Variants in TENM2 observed in about 807,000 individuals in gnomAD.
TENM2 encodes the protein teneurin-2.
In TENM2, 52 loss-of-function variants were observed where a neutral mutation model predicts 245.2. That is an observed-to-expected ratio of 0.21 (90% CI 0.17 to 0.27). The LOEUF (loss-of-function observed/expected upper bound fraction) is 0.27. TENM2 is among the 10% of genes least tolerant of loss of function. The probability of loss-of-function intolerance (pLI) is 1.00; values close to 1 mark genes in which losing one functional copy is unlikely to be tolerated. For synonymous variants in TENM2, 1,363 were observed against 1,438.9 expected, an observed-to-expected ratio of 0.95 and a Z score of 1.19; for missense variants, 3,046 against 3,666.8, an observed-to-expected ratio of 0.83 and a Z score of 4.37.
At chr5:167,780,188 A>G (rs1350025135) in intron 2 of TENM2, among the ~76,000 whole-genome samples, 1 of 152,210 alleles carries the variant, frequency 6.6e-6, no homozygotes, top group East Asian at 1.9e-4. Context: ...GAAAGCCTCT[A>G]TTTGATCCTA....
rs527593825 is a variant in TENM2, at chr5:167,305,719, C to G, written c.226+20656C>G. On this transcript the variant is annotated intron_variant, in intron 1 of 28. Transcript: ENST00000518659. ...GGATTCGGCACATTTTATTCATGGACTATGTCAGGGATGAAATGAACAGAA... is the reference window on the plus strand; with the variant it reads ...GGATTCGGCACATTTTATTCATGGAGTATGTCAGGGATGAAATGAACAGAA... Among the ~76,000 whole-genome samples the G allele has an allele frequency of 3.3e-3, 503 of 152,238 alleles. 1 individual carries two copies. The highest frequency in any genetic ancestry group is 0.012 in the African/African-American group (479 of 41,544).
intron 2 of TENM2, among the ~76,000 whole-genome samples, chr5:167,520,374 G>A (rs1031509985): frequency 6.6e-6 from 1 of 152,128 alleles, no homozygotes; most frequent in Non-Finnish European, 1.5e-5. Context: ...GACAAATGGT[G>A]TAACATCTTC....
At chr5:167,412,268 G>T (rs992372586) in intron 2 of TENM2, among the ~76,000 whole-genome samples, 3 of 151,798 alleles carry the variant, frequency 2.0e-5, no homozygotes, top group Non-Finnish European at 2.9e-5. Flanking sequence ...CAGAAAGTGG[G>T]GTCCCAGGAG....
intron 2 of TENM2, among the ~76,000 whole-genome samples, chr5:167,871,227 A>G (rs1298770012): frequency 6.6e-6 from 1 of 152,160 alleles, no homozygotes; most frequent in Non-Finnish European, 1.5e-5. Context: ...GACCTGGAGC[A>G]TGGCTGTCAA....
At chr5:167,736,687 A>G (rs988418888) in intron 2 of TENM2, among the ~76,000 whole-genome samples, 2 of 56,456 alleles carry the variant, frequency 3.5e-5, no homozygotes, top group Non-Finnish European at 5.8e-5. Flanking sequence ...CTGGCTCAGG[A>G]AAAAAAAAAA....
chr5:167,818,174 ATCC>A (rs1767217724), intron 2 of TENM2, among the ~76,000 whole-genome samples: 1 of 152,172 alleles, frequency 6.6e-6, no homozygotes, highest in South Asian at 2.1e-4. Flanking sequence ...AACTTTCATG[ATCC>A]TCCTCTTAAT....
the TENM2 span, among the ~76,000 whole-genome samples, chr5:167,106,306 C>T: frequency 6.6e-6 from 1 of 152,142 alleles, no homozygotes; most frequent in African/African-American, 2.4e-5. Context: ...CCAAAGGAGG[C>T]AGCAATCTCT....
chr5:168,214,929 A>G, intron 20 of TENM2, 111 bp from the exon 23 acceptor site: 3 of 835,232 alleles, frequency 3.6e-6, no homozygotes, highest in South Asian at 1.4e-5. Flanking sequence ...ACTAAAGTGG[A>G]AAGACACTAG....
At chr5:167,664,716 T>C (rs1314952554) in intron 2 of TENM2, among the ~76,000 whole-genome samples, 1 of 152,220 alleles carries the variant, frequency 6.6e-6, no homozygotes, top group Non-Finnish European at 1.5e-5. Context: ...AAAAGTCATA[T>C]GAGCTAAGAC....
At chr5:167,721,935 CT>C (rs1759657870) in intron 2 of TENM2, among the ~76,000 whole-genome samples, 1 of 152,302 alleles carries the variant, frequency 6.6e-6, no homozygotes, top group South Asian at 2.1e-4. Flanking sequence ...GCTGTTACTT[CT>C]TTAGCTTTGA....
At chr5:167,523,694 A>G (rs1770922589) in intron 2 of TENM2, among the ~76,000 whole-genome samples, 1 of 152,136 alleles carries the variant, frequency 6.6e-6, no homozygotes, top group Non-Finnish European at 1.5e-5. Flanking sequence ...CTTTGTAACC[A>G]TATTCATTAA....
At chr5:167,300,685 G>T (rs1755256084) in intron 1 of TENM2, among the ~76,000 whole-genome samples, 1 of 152,016 alleles carries the variant, frequency 6.6e-6, no homozygotes, top group Admixed American at 6.6e-5. Flanking sequence ...GATGGTAAGG[G>T]GTGCATGATT....
At chr5:167,952,738 C>T (rs1355985505) in exon 4 of TENM2, 12 of 1,594,980 alleles carry the variant, frequency 7.5e-6, no homozygotes, top group South Asian at 2.3e-5. Flanking sequence ...CCGGCCCCAG[C>T]GCCCAATGAC....
chr5:167,375,127 G>A, intron 1 of TENM2, 71 bp from the exon 4 acceptor site: 1 of 1,489,442 alleles, frequency 6.7e-7, no homozygotes, highest in Non-Finnish European at 9.0e-7. Context: ...CTGCTTTTTT[G>A]TAAGGATAAA....
At chr5:168,074,597 G>A (rs1268510253) in intron 7 of TENM2, among the ~76,000 whole-genome samples, 2 of 4,160 alleles carry the variant, frequency 4.8e-4, no homozygotes, top group Non-Finnish European at 8.7e-4. Flanking sequence ...GTAAACAGCT[G>A]ACAGAAGATC....
intron 2 of TENM2, among the ~76,000 whole-genome samples, chr5:167,569,823 G>C (rs1652685431): frequency 1.3e-5 from 2 of 152,254 alleles, no homozygotes; most frequent in Admixed American, 1.3e-4. Flanking sequence ...GCAGGGTTTA[G>C]AGAGTAAAAG....
At chr5:167,822,080 T>G (rs1171478811) in intron 2 of TENM2, among the ~76,000 whole-genome samples, 3 of 152,076 alleles carry the variant, frequency 2.0e-5, no homozygotes, top group Non-Finnish European at 4.4e-5. Flanking sequence ...GATTTAGTCT[T>G]TAGTCTGAGG....
intron 12 of TENM2, among the ~76,000 whole-genome samples, chr5:168,144,468 A>T (rs1188320909): frequency 1.3e-5 from 2 of 151,932 alleles, no homozygotes; most frequent in Non-Finnish European, 2.9e-5. Context: ...ACTGAGAATG[A>T]TGATTTCCAA....
intron 2 of TENM2, among the ~76,000 whole-genome samples, chr5:167,799,191 G>T (rs1214685114): frequency 2.0e-5 from 3 of 152,194 alleles, no homozygotes; most frequent in African/African-American, 4.8e-5. Context: ...TCTCCCAGCA[G>T]GGTAAATGGC....
Sources: allele counts gnomAD v4.1 joint callset (sites outside exome capture counted in the v4.1 genomes callset), GRCh38; gene constraint gnomAD v4.1.1; transcripts MANE v1.5; gene names NCBI Gene and HGNC (gene_info 2026-07-23, HGNC 2026-07-21).